Variants in SH3PXD2A observed in about 807,000 individuals in gnomAD.
SH3PXD2A encodes the protein SH3 and PX domains 2A.
In SH3PXD2A, 32 loss-of-function variants were observed where a neutral mutation model predicts 115.2. The observed-to-expected ratio is 0.28, with a 90% confidence interval of 0.21 to 0.37. SH3PXD2A has a LOEUF of 0.37. SH3PXD2A is among the 10% of genes least tolerant of loss of function. The pLI, the probability that SH3PXD2A is intolerant of heterozygous loss-of-function variation, is 1.00. For synonymous variants in SH3PXD2A, 610 were observed against 629.1 expected (o/e 0.97, Z 0.45); for missense variants, 1,328 against 1,498.7 (o/e 0.89, Z 1.88).
chr10:103,601,805 C>A lies in SH3PXD2A; in HGVS notation c.*11G>T. 6.3e-7 allele frequency: 1 copy of A among 1,578,040 alleles called. No homozygotes were observed. Among genetic ancestry groups the A allele is most frequent in the Non-Finnish European group, 8.6e-7 (1 of 1,161,306 alleles). On this transcript the variant is annotated 3_prime_UTR_variant, in exon 15 of 15. Transcript: ENST00000369774. ...GAGGCACACTGAGGCTGGAAGAGCC[C>A]AGGCCCTCTGCTAGTTCTTTTTCTC...
Position 103,842,112 on chromosome 10 carries a change from G to A in SH3PXD2A, c.72+13083C>T, listed in dbSNP as rs371764992. On this transcript the variant is annotated intron_variant, in intron 1 of 14. Coordinates refer to ENST00000369774, the MANE Select transcript of SH3PXD2A (RefSeq NM_001394015.1). ...TACACTGCAGCCTGGGCGACAGAGC[G>A]AGACTCCGTCTCAAAAAAAAAAAAA... 1.6e-3 allele frequency among the ~76,000 whole-genome samples: 215 copies of A among 130,422 alleles called. 1 individual carries two copies. Among genetic ancestry groups the A allele is most frequent in the African/African-American group, 5.9e-3 (203 of 34,618 alleles). 85.6% of individuals were successfully genotyped at this position (130,422 alleles called of 152,430 possible).
chr10:103,610,248 A>ACAGCCCAGGCT (rs777928609), intron 13 of SH3PXD2A, among the ~76,000 whole-genome samples: 35 of 152,362 alleles, frequency 2.3e-4, no homozygotes, highest in South Asian at 4.1e-4. Flanking sequence ...GTGAGCAGAC[A>ACAGCCCAGGCT]CAGCCCAGGC....
At chr10:103,619,130 G>A (rs375286401) in intron 10 of SH3PXD2A, among the ~76,000 whole-genome samples, 26 of 152,328 alleles carry the variant, frequency 1.7e-4, no homozygotes, top group African/African-American at 6.0e-4. Context: ...GACTCAGGGA[G>A]GGCCTTACTC....
At position 103,807,557 on chromosome 10, in the gene SH3PXD2A, C is replaced by T. The variant is rs115865203; in HGVS notation, c.73-6195G>A. The stretch of plus-strand genomic sequence containing the variant: ...TACAGTTGGGCAAGTTGTTCACTGC[C>T]CAGTGGTTGCCTGGTCAAGTGGACA... On this transcript the variant is annotated intron_variant, in intron 1 of 14. Coordinates refer to ENST00000369774, the MANE Select transcript of SH3PXD2A (RefSeq NM_001394015.1). Among the ~76,000 whole-genome samples the T allele has an allele frequency of 1.6e-3, 241 of 152,330 alleles. 1 individual carries two copies. Among genetic ancestry groups the T allele is most frequent in the African/African-American group, 5.5e-3 (227 of 41,576 alleles).
intron 1 of SH3PXD2A, among the ~76,000 whole-genome samples, chr10:103,844,339 G>A (rs935594527): frequency 1.3e-5 from 2 of 152,214 alleles, no homozygotes; most frequent in Non-Finnish European, 2.9e-5. Flanking sequence ...CCAGCCCCAT[G>A]CCAGGCCGGC....
At chr10:103,678,785 G>A (rs570026025) in intron 6 of SH3PXD2A, among the ~76,000 whole-genome samples, 3 of 152,360 alleles carry the variant, frequency 2.0e-5, no homozygotes, top group South Asian at 2.1e-4. Flanking sequence ...ATCACAAGGA[G>A]TCAAGATTCA....
At chr10:103,744,424 A>T (rs2038478333) in intron 3 of SH3PXD2A, among the ~76,000 whole-genome samples, 1 of 151,436 alleles carries the variant, frequency 6.6e-6, no homozygotes, top group Non-Finnish European at 1.5e-5. Context: ...AAGTGCTGGG[A>T]TTACAGGCAT....
Position 103,756,882 on chromosome 10 carries a change from C to T in SH3PXD2A, c.229+10212G>A, listed in dbSNP as rs565591184. ...GCCTCTCCAGGACCCCAGCTGGTCT[C>T]CTCTGCTCCGTGCAAGCTCCCGCCA... is the stretch of plus-strand genomic sequence containing the variant. On this transcript the variant is annotated intron_variant, in intron 3 of 14. Transcript: ENST00000369774. This position sits in a 1 kb window ranked among gnomAD's most constrained non-coding sequence, Gnocchi z 4.4. 3.9e-5 allele frequency among the ~76,000 whole-genome samples: 6 copies of T among 152,300 alleles called. No individual in the cohort carries two copies. The East Asian group carries it at 1.2e-3, about 29-fold the overall frequency.
At chr10:103,811,021 T>TGGGAGAGCAGAGGAGCAAAAAATA (rs2039265094) in intron 1 of SH3PXD2A, among the ~76,000 whole-genome samples, 1 of 151,134 alleles carries the variant, frequency 6.6e-6, no homozygotes, top group African/African-American at 2.4e-5. Context: ...AAGGCCAGCC[T>TGGGAGAGCAGAGGAGCAAAAAATA]GGGAGAGCAG....
At chr10:103,611,027 C>T (rs1230148587) in intron 13 of SH3PXD2A, among the ~76,000 whole-genome samples, 1 of 152,214 alleles carries the variant, frequency 6.6e-6, no homozygotes, top group African/African-American at 2.4e-5. Flanking sequence ...TCTACCTGCC[C>T]GAGGGTCTGG....
intron 6 of SH3PXD2A, among the ~76,000 whole-genome samples, chr10:103,669,936 G>A (rs1048458682): frequency 6.6e-6 from 1 of 152,180 alleles, no homozygotes; most frequent in African/African-American, 2.4e-5. Flanking sequence ...AACCTACAAC[G>A]ATGAGTACTA....
chr10:103,778,283 G>A (rs1373597894), intron 2 of SH3PXD2A, among the ~76,000 whole-genome samples: 1 of 152,226 alleles, frequency 6.6e-6, no homozygotes, highest in Non-Finnish European at 1.5e-5. Context: ...AGTGAACCGA[G>A]ATCGTGCCAC....
chr10:103,852,488 C>T (rs1842905749), intron 1 of SH3PXD2A, among the ~76,000 whole-genome samples: 2 of 152,356 alleles, frequency 1.3e-5, no homozygotes, highest in South Asian at 4.1e-4. Flanking sequence ...TGCAATTTAC[C>T]AAACCACAGA....
In SH3PXD2A at chr10:103,602,968, G is replaced by A. The variant is rs527847614; in HGVS notation, c.2250C>T (p.Pro750=). The A allele has an allele frequency of 5.3e-5, 86 of 1,614,228 alleles. 2 individuals are homozygous for A. In the South Asian group the frequency reaches 7.2e-4, roughly 14 times the overall value. The part of the protein sequence containing the change: ...ADANAGLTSC[P]RAKPSVRPKP... Reference sequence around the variant, plus strand: ...TGGGCCGGACCGATGGCTTGGCCCGGGGACAGGAGGTCAGCCCAGCGTTCG... The same window carrying A: ...TGGGCCGGACCGATGGCTTGGCCCGAGGACAGGAGGTCAGCCCAGCGTTCG... Residue 750 remains proline (P), a synonymous_variant, in exon 15 of 15, where the codon CCC becomes CCT. Coordinates refer to ENST00000369774, the MANE Select transcript of SH3PXD2A (RefSeq NM_001394015.1).
At chr10:103,614,496 A>T (rs1377067161) in intron 11 of SH3PXD2A, among the ~76,000 whole-genome samples, 1 of 152,228 alleles carries the variant, frequency 6.6e-6, no homozygotes, top group Non-Finnish European at 1.5e-5. Flanking sequence ...AAAGGAAACA[A>T]AACCAAAAGC....
At position 103,812,209 on chromosome 10, in the gene SH3PXD2A, A is replaced by G. The variant is rs534891727; in HGVS notation, c.73-10847T>C. ...GTCCCAAGTCAGCTTGGCAGAGCAA[A>G]CAAGTCTGATCACCTCGAGCCAGCA... On this transcript the variant is annotated intron_variant, in intron 1 of 14. Coordinates refer to ENST00000369774, the MANE Select transcript of SH3PXD2A (RefSeq NM_001394015.1). Among the ~76,000 whole-genome samples the G allele has an allele frequency of 7.2e-5, 11 of 152,258 alleles. No individual in the cohort carries two copies. In the South Asian group the frequency reaches 2.3e-3, roughly 32 times the overall value.
At chr10:103,811,053 T>A (rs1589465189) in intron 1 of SH3PXD2A, among the ~76,000 whole-genome samples, 1 of 152,132 alleles carries the variant, frequency 6.6e-6, no homozygotes, top group African/African-American at 2.4e-5. Context: ...ATAGCTCTGC[T>A]GCCCAGGGCT....
chr10:103,695,466 G>A (rs1471312224), intron 5 of SH3PXD2A, among the ~76,000 whole-genome samples: 1 of 150,956 alleles, frequency 6.6e-6, no homozygotes, highest in African/African-American at 2.5e-5. Context: ...CTGTGGTGGT[G>A]CCACTGCACT....
At chr10:103,767,001 A>G (rs2038761717) in intron 3 of SH3PXD2A, 93 bp downstream of exon 3, 2 of 930,734 alleles carry the variant, frequency 2.1e-6, no homozygotes, top group East Asian at 5.1e-5. Context: ...TGCCCCGCCC[A>G]GAATCTGCTG....
Sources: allele counts gnomAD v4.1 joint callset (sites outside exome capture counted in the v4.1 genomes callset), GRCh38; gene constraint gnomAD v4.1.1; non-coding constraint Gnocchi (gnomAD v3.1); transcripts MANE v1.5; gene names NCBI Gene and HGNC (gene_info 2026-07-23, HGNC 2026-07-21).